APBB2: variants seen among roughly 807,000 people sequenced by gnomAD.
The protein encoded by APBB2 is Fe65-like 1.
In APBB2, 38 loss-of-function variants were observed where a neutral mutation model predicts 82.5. The observed-to-expected ratio is 0.46, with a 90% CI of 0.36 to 0.60. APBB2 has a LOEUF of 0.60. Among genes scored for constraint, APBB2 ranks in the 20% least tolerant of loss-of-function variants. APBB2 has a pLI of 0.00. For missense variants in APBB2, 772 were observed against 972.3 expected (o/e 0.79, Z 2.74); for synonymous variants, 341 against 368.2 (o/e 0.93, Z 0.85).
chr4:40,995,966 C>T (rs529612154), intron 6 of APBB2, among the ~76,000 whole-genome samples: 3 of 152,292 alleles, frequency 2.0e-5, no homozygotes, highest in Non-Finnish European at 2.9e-5. Flanking sequence ...CACCGTGCCC[C>T]GCCATGGATC....
intron 1 of APBB2, among the ~76,000 whole-genome samples, chr4:41,184,235 T>G (rs937689467): frequency 6.6e-6 from 1 of 152,194 alleles, no homozygotes; most frequent in Non-Finnish European, 1.5e-5. Flanking sequence ...CCTCTTGCTG[T>G]GTGGCCCAGT....
At chr4:41,072,996 G>A (rs1240342685) in intron 3 of APBB2, among the ~76,000 whole-genome samples, 4 of 152,154 alleles carry the variant, frequency 2.6e-5, no homozygotes, top group African/African-American at 4.8e-5. Context: ...CTACAAATAC[G>A]AATTACACCT....
At chr4:40,851,738 A>ATATT (rs1192919460) in intron 12 of APBB2, among the ~76,000 whole-genome samples, 5 of 67,736 alleles carry the variant, frequency 7.4e-5, no homozygotes, top group African/African-American at 2.5e-4. Flanking sequence ...ATATATATAT[A>ATATT]TTTTTTTTTT....
chr4:41,066,736 C>A (rs1732000093), intron 3 of APBB2, among the ~76,000 whole-genome samples: 1 of 152,198 alleles, frequency 6.6e-6, no homozygotes, highest in Non-Finnish European at 1.5e-5. Flanking sequence ...AGAGTGAGGC[C>A]TGCAGAGTGA....
At chr4:40,986,482 A>C (rs1483327395) in intron 6 of APBB2, among the ~76,000 whole-genome samples, 1 of 152,246 alleles carries the variant, frequency 6.6e-6, no homozygotes, top group African/African-American at 2.4e-5. Flanking sequence ...GGGAGAGTAC[A>C]CATAATGCAC....
chr4:40,893,071 C>T (rs1441376058), intron 11 of APBB2, 194 bp downstream of exon 11: 2 of 543,326 alleles, frequency 3.7e-6, no homozygotes, highest in African/African-American at 3.9e-5. Context: ...AGGCCCCAGT[C>T]CTCACTGGCA....
At chr4:41,058,558 G>A (rs561835872) in intron 4 of APBB2, among the ~76,000 whole-genome samples, 16 of 152,066 alleles carry the variant, frequency 1.1e-4, no homozygotes, top group South Asian at 2.1e-4. Flanking sequence ...TCTAACTGAC[G>A]GACTCTGAGA....
chr4:40,851,738 A>ATATATATATATATATT (rs1192919460), intron 12 of APBB2, among the ~76,000 whole-genome samples: 4 of 67,738 alleles, frequency 5.9e-5, no homozygotes, highest in Middle Eastern at 8.9e-3. Context: ...ATATATATAT[A>ATATATATATATATATT]TTTTTTTTTT....
chr4:41,132,825 A>C (rs965996213), intron 2 of APBB2, among the ~76,000 whole-genome samples: 17 of 152,330 alleles, frequency 1.1e-4, no homozygotes, highest in African/African-American at 2.2e-4. Context: ...ATTAGAAAAA[A>C]ATTGCAATAT....
intron 3 of APBB2, among the ~76,000 whole-genome samples, chr4:41,071,354 GTTAT>G (rs945002655): frequency 3.3e-5 from 5 of 152,246 alleles, no homozygotes; most frequent in African/African-American, 1.2e-4. Context: ...TCATTCTGCA[GTTAT>G]AGTACAATAT....
intron 7 of APBB2, among the ~76,000 whole-genome samples, chr4:40,939,646 C>CT (rs200517661): frequency 0.02 from 3,120 of 152,240 alleles, 94 homozygotes; most frequent in African/African-American, 0.067. Context: ...GTCACCAAGG[C>CT]TGGAGTGCAG....
rs369947269 is a variant in APBB2, at chr4:40,890,383, C to T, written c.1510G>A (p.Val504Met). 8.7e-6 allele frequency: 14 copies of T among 1,612,896 alleles called. No homozygotes were observed. The highest frequency in any genetic ancestry group is 3.3e-5 in the South Asian group (3 of 91,002). Reference protein sequence around the residue: ...QPIVSIRVWGVGRDNGRDFAY... With the variant: ...QPIVSIRVWGMGRDNGRDFAY... ...ACTCACCGGCCATTGTCGCGGCCCA[C>T]GCCCCACACGCGGATGCTGACGATG... The change falls in exon 12 of 18, where the codon GTG becomes ATG. Residue 504 changes from valine to methionine, a missense_variant. Val to Met is a conservative substitution (Grantham distance 21). Coordinates refer to ENST00000508593, the MANE Select transcript of APBB2 (RefSeq NM_004307.2).
intron 1 of APBB2, among the ~76,000 whole-genome samples, chr4:41,197,133 A>G: frequency 2.6e-5 from 4 of 152,144 alleles, no homozygotes; most frequent in South Asian, 2.1e-4. Context: ...TATTTTGCCT[A>G]ATCAGCAATC....
At chr4:40,842,164 G>A (rs1471239320) in intron 12 of APBB2, among the ~76,000 whole-genome samples, 4 of 152,226 alleles carry the variant, frequency 2.6e-5, no homozygotes, top group South Asian at 2.1e-4. Context: ...AAACACAGTA[G>A]AGAATGAGGA....
intron 2 of APBB2, among the ~76,000 whole-genome samples, chr4:41,139,970 T>A (rs1758643752): frequency 6.6e-6 from 1 of 152,176 alleles, no homozygotes; most frequent in South Asian, 2.1e-4. Flanking sequence ...TGCAAGACAC[T>A]AATGATATAG....
At chr4:40,907,362 TATATATATATATATATA>T (rs1343941465) in intron 10 of APBB2, among the ~76,000 whole-genome samples, 2 of 85,820 alleles carry the variant, frequency 2.3e-5, no homozygotes, top group African/African-American at 1.4e-4. Flanking sequence ...TATATATATA[TATATATATATATATATA>T]TTTTTTTTTT....
chr4:41,212,766 T>C (rs1779648493), intron 1 of APBB2, among the ~76,000 whole-genome samples: 1 of 152,190 alleles, frequency 6.6e-6, no homozygotes, highest in South Asian at 2.1e-4. Flanking sequence ...TTCCGCCCTA[T>C]GATCAACCCA....
intron 12 of APBB2, among the ~76,000 whole-genome samples, chr4:40,875,347 TTAA>T (rs1766619473): frequency 6.6e-6 from 1 of 152,206 alleles, no homozygotes; most frequent in African/African-American, 2.4e-5. Context: ...AGAGCAACAC[TTAA>T]TGGACCCTCC....
chr4:40,982,527 A>G (rs10938475), intron 6 of APBB2, among the ~76,000 whole-genome samples: 144,609 of 148,106 alleles, frequency 0.98, 70,647 homozygotes, highest in Middle Eastern at 1. Context: ...CAAAACCCTT[A>G]GGAGGTCAAG....
Sources: allele counts gnomAD v4.1 joint callset (sites outside exome capture counted in the v4.1 genomes callset), GRCh38; gene constraint gnomAD v4.1.1; transcripts MANE v1.5; gene names NCBI Gene and HGNC (gene_info 2026-07-23, HGNC 2026-07-21).